Variants in LCORL observed in about 807,000 individuals in gnomAD.
LCORL encodes ligand-dependent nuclear receptor corepressor-like protein.
Under a neutral mutation model 141.8 loss-of-function variants are expected in LCORL, and 41 were observed. That is an observed-to-expected ratio of 0.29 (90% CI 0.23 to 0.38). The LOEUF is 0.38. LCORL is among the 10% of genes least tolerant of loss of function. The pLI, the probability that LCORL is intolerant of heterozygous loss-of-function variation, is 1.00. For missense variants in LCORL, 1,759 were observed against 2,035.0 expected (o/e 0.86, Z 2.61); for synonymous variants, 618 against 694.1 (o/e 0.89, Z 1.72).
chr4:17,986,552 T>C (rs1719008004), intron 1 of LCORL, among the ~76,000 whole-genome samples: 1 of 152,208 alleles, frequency 6.6e-6, no homozygotes, highest in Non-Finnish European at 1.5e-5. Context: ...ATTCTGCTGT[T>C]ACTACTTATG....
At position 17,946,170 on chromosome 4, in the gene LCORL, C is replaced by A. The variant is rs567352071; in HGVS notation, c.430+15733G>T. Among the ~76,000 whole-genome samples the A allele has an allele frequency of 1.3e-4, 20 of 152,036 alleles. No individual in the cohort carries two copies. The South Asian group carries it at 4.2e-3, about 32-fold the overall frequency. Reference sequence around the variant, plus strand: ...GAAACTATTATTTTATAGAGCAAAACGTTAAGATATCTAAACATATGGCAA... The same window carrying A: ...GAAACTATTATTTTATAGAGCAAAAAGTTAAGATATCTAAACATATGGCAA... On this transcript the variant is annotated intron_variant, in intron 4 of 7. Coordinates refer to ENST00000635767, the Ensembl canonical transcript of LCORL.
chr4:17,911,763 C>T, intron 4 of LCORL: 1 of 460,948 alleles, frequency 2.2e-6, no homozygotes, highest in South Asian at 1.8e-5. Context: ...GGCTGGTCAG[C>T]AGCGTGGCTG....
Position 18,021,634 on chromosome 4 carries a change from G to A in LCORL, c.118C>T (p.Leu40Phe). 1 of 1,545,736 alleles carries A rather than the reference G, an allele frequency of 6.5e-7. No individual in the cohort carries two copies. The highest frequency in any genetic ancestry group is 8.7e-7 in the Non-Finnish European group (1 of 1,145,044). Residue 40 changes from leucine to phenylalanine, a missense_variant, in exon 1 of 8, where the codon CTC (leucine) becomes TTC (phenylalanine). Coordinates refer to ENST00000635767, the Ensembl canonical transcript of LCORL. This position sits in a 1 kb window ranked among gnomAD's most constrained non-coding sequence, Gnocchi z 5.5. ...ATGAGGCGGTGGCGCCAAGAGTCGA[G>A]TTCCCGCCGGAATCCTCTTCTCTCC...
At chr4:17,967,223 A>C (rs1370787424) in intron 2 of LCORL, among the ~76,000 whole-genome samples, 1 of 152,166 alleles carries the variant, frequency 6.6e-6, no homozygotes, top group Admixed American at 6.5e-5. Context: ...TAGAGACCAT[A>C]AAAAAATTAG....
chr4:17,866,817 A>G (rs1233187988), intron 7 of LCORL: 1 of 173,118 alleles, frequency 5.8e-6, no homozygotes, highest in African/African-American at 2.4e-5. Flanking sequence ...AAAAAATGGT[A>G]GTTAGGAGAG....
intron 5 of LCORL, among the ~76,000 whole-genome samples, chr4:17,893,854 A>G (rs1729481756): frequency 6.6e-6 from 1 of 152,188 alleles, no homozygotes; most frequent in African/African-American, 2.4e-5. Flanking sequence ...GCTGGAGTGC[A>G]GTGGCATGAA....
intron 4 of LCORL, among the ~76,000 whole-genome samples, chr4:17,948,123 G>T (rs1197550093): frequency 6.6e-6 from 1 of 151,878 alleles, no homozygotes; most frequent in Non-Finnish European, 1.5e-5. Flanking sequence ...TATGTGGAGG[G>T]TTATAGTGAA....
intron 4 of LCORL, among the ~76,000 whole-genome samples, chr4:17,920,970 C>T (rs1183316184): frequency 1.3e-5 from 2 of 152,256 alleles, no homozygotes; most frequent in African/African-American, 4.8e-5. Flanking sequence ...TCAACTTCTT[C>T]TGTTAATTCT....
chr4:18,011,699 A>C (rs1389754463), intron 1 of LCORL, among the ~76,000 whole-genome samples: 1 of 152,236 alleles, frequency 6.6e-6, no homozygotes, highest in Non-Finnish European at 1.5e-5. Context: ...TTTTATAAAT[A>C]AATGTTACTG....
Position 17,874,145 on chromosome 4 carries a change from G to T in LCORL, c.4845C>A (p.Asn1615Lys), listed in dbSNP as rs1226343918. Residue 1615 changes from asparagine (N) to lysine (K), a missense_variant, in exon 7 of 8, where the codon AAC becomes AAA. Physicochemically the swap from Asn to Lys is moderately conservative, Grantham distance 94. Around this residue, in one of 5 missense-constraint regions of LCORL, gnomAD observed 313 missense variants for 336.1 expected, o/e 0.93. Transcript: ENST00000635767. ...TAGAGTTCCAGTCAACTGTTCCATG[G>T]TTGTGCAGCTTTCCCTCTCTTTTCC... The T allele has an allele frequency of 2.4e-6, 3 of 1,233,830 alleles. No individual in the cohort carries two copies. In the African/African-American group the frequency reaches 4.7e-5, roughly 19 times the overall value. The allele number at this position is 1,233,830 out of a possible 1,614,324, so 76.4% of individuals were successfully genotyped here.
At chr4:18,015,553 T>C (rs1724501754) in intron 1 of LCORL, among the ~76,000 whole-genome samples, 1 of 151,776 alleles carries the variant, frequency 6.6e-6, no homozygotes, top group Non-Finnish European at 1.5e-5. Context: ...TGCACACTAT[T>C]AGAAGGTGCC....
intron 5 of LCORL, among the ~76,000 whole-genome samples, chr4:17,887,181 A>G (rs930563720): frequency 1.3e-5 from 2 of 152,054 alleles, no homozygotes; most frequent in Non-Finnish European, 2.9e-5. Flanking sequence ...TAATTTATTG[A>G]GCGCTCACTA....
At chr4:17,951,054 C>A (rs954871166) in intron 4 of LCORL, among the ~76,000 whole-genome samples, 1 of 152,184 alleles carries the variant, frequency 6.6e-6, no homozygotes, top group Non-Finnish European at 1.5e-5. Flanking sequence ...GAACCTCAGG[C>A]ATCTATTTCA....
chr4:17,868,072 TTAAAG>T (rs1367937936), intron 7 of LCORL, among the ~76,000 whole-genome samples: 13 of 152,324 alleles, frequency 8.5e-5, no homozygotes, highest in East Asian at 5.8e-4. Context: ...ACAGTTGTAC[TTAAAG>T]TAATCATTTC....
intron 4 of LCORL, among the ~76,000 whole-genome samples, chr4:17,910,225 A>T (rs1732295993): frequency 6.6e-6 from 1 of 152,232 alleles, no homozygotes; most frequent in Non-Finnish European, 1.5e-5. Context: ...CAGATCACTT[A>T]TATACACAGT....
At chr4:17,845,729 CTT>C (rs1249717545) in exon 8 of LCORL, 1 of 1,605,868 alleles carries the variant, frequency 6.2e-7, no homozygotes, top group Admixed American at 1.7e-5. Flanking sequence ...ATCTATTTCT[CTT>C]CGCTTTTGAG....
At chr4:17,918,672 C>T (rs981501048) in intron 4 of LCORL, among the ~76,000 whole-genome samples, 1 of 152,046 alleles carries the variant, frequency 6.6e-6, no homozygotes, top group South Asian at 2.1e-4. Flanking sequence ...GACAAAGATG[C>T]AGAGGGTAGG....
At chr4:17,843,461 T>C in exon 8 of LCORL, 1 of 1,600,996 alleles carries the variant, frequency 6.2e-7, no homozygotes, top group South Asian at 1.1e-5. Flanking sequence ...TAAGATTATG[T>C]CCAGTTATTT....
chr4:17,883,202 G>A (rs1437135809), intron 6 of LCORL: 1 of 980,408 alleles, frequency 1.0e-6, no homozygotes, highest in Non-Finnish European at 1.2e-6. Context: ...TACTAATACT[G>A]TATATATTAA....
Sources: allele counts gnomAD v4.1 joint callset (sites outside exome capture counted in the v4.1 genomes callset), GRCh38; gene constraint gnomAD v4.1.1; regional missense constraint gnomAD v4.1.1; non-coding constraint Gnocchi (gnomAD v3.1); transcripts MANE v1.5; gene names NCBI Gene and HGNC (gene_info 2026-07-23, HGNC 2026-07-21).